Variants in STK10 observed in about 807,000 individuals in gnomAD.
The protein encoded by STK10 is serine/threonine-protein kinase 10.
STK10 carries 78 observed loss-of-function variants against 113.8 expected under a neutral mutation model. That is an observed-to-expected ratio of 0.69 (90% CI 0.57 to 0.83). STK10 has a LOEUF of 0.83. Among genes scored for constraint, STK10 ranks in the 40% least tolerant of loss-of-function variants. The pLI, the probability that STK10 is intolerant of heterozygous loss-of-function variation, is 0.00. For synonymous variants in STK10, 465 were observed against 494.7 expected (o/e 0.94, Z 0.80); for missense variants, 1,109 against 1,280.1 (o/e 0.87, Z 2.04).
chr5:172,186,485 T>C (rs1271108028), intron 1 of STK10, among the ~76,000 whole-genome samples: 2 of 151,364 alleles, frequency 1.3e-5, no homozygotes, highest in Non-Finnish European at 2.9e-5. Flanking sequence ...TTAGCCGGGC[T>C]GTGGTGTGCA....
intron 12 of STK10, 86 bp from the exon 13 acceptor site, chr5:172,064,898 C>T: frequency 6.9e-7 from 1 of 1,451,750 alleles, no homozygotes; most frequent in South Asian, 1.2e-5. Context: ...ACCCCCGGGC[C>T]AGAGAAACCA....
chr5:172,080,307 T>C (rs1768401903), intron 12 of STK10, among the ~76,000 whole-genome samples: 1 of 152,196 alleles, frequency 6.6e-6, no homozygotes, highest in South Asian at 2.1e-4. Flanking sequence ...ACGATATTGA[T>C]ATTAGGCCAA....
chr5:172,099,343 C>G (rs1192190733), intron 7 of STK10, among the ~76,000 whole-genome samples: 1 of 152,178 alleles, frequency 6.6e-6, no homozygotes. Context: ...AGTTCAAGAT[C>G]AGCCTGGCCA....
intron 3 of STK10, among the ~76,000 whole-genome samples, chr5:172,123,340 A>G (rs537781557): frequency 8.8e-4 from 134 of 152,322 alleles, no homozygotes; most frequent in African/African-American, 3.1e-3. Context: ...CACTGCTGCC[A>G]CCAACAGGGG....
At chr5:172,057,017 G>GAAAGAAAGA (rs1561790324) in intron 15 of STK10, 2 of 149,358 alleles carry the variant, frequency 1.3e-5, no homozygotes, top group East Asian at 3.5e-4. Flanking sequence ...AAGAAAGAAA[G>GAAAGAAAGA]AAAGAAAGAA....
intron 2 of STK10, among the ~76,000 whole-genome samples, chr5:172,151,739 G>C (rs1002871103): frequency 1.3e-5 from 2 of 152,234 alleles, no homozygotes; most frequent in African/African-American, 4.8e-5. Context: ...GCTCCATGAG[G>C]ATGAGGACCG....
intron 7 of STK10, 129 bp from the exon 8 acceptor site, chr5:172,096,689 T>TG: frequency 1.6e-6 from 2 of 1,288,660 alleles, no homozygotes; most frequent in Non-Finnish European, 2.2e-6. Context: ...CACATGAACT[T>TG]GGAGACCCAG....
At chr5:172,073,965 A>AAAT (rs767697438) in intron 12 of STK10, among the ~76,000 whole-genome samples, 82 of 96,840 alleles carry the variant, frequency 8.5e-4, no homozygotes, top group East Asian at 3.8e-3. Context: ...ACTCTGTCTC[A>AAAT]AATAATAATA....
At chr5:172,175,418 A>G (rs1056084844) in intron 1 of STK10, among the ~76,000 whole-genome samples, 6 of 152,240 alleles carry the variant, frequency 3.9e-5, no homozygotes, top group African/African-American at 1.4e-4. Context: ...GAAGCCTTTC[A>G]GCACTCACCC....
intron 2 of STK10, among the ~76,000 whole-genome samples, chr5:172,147,128 A>T (rs1310531150): frequency 1.3e-5 from 2 of 152,166 alleles, no homozygotes; most frequent in Non-Finnish European, 1.5e-5. Context: ...TCATTATAGA[A>T]GATATTACAA....
At chr5:172,156,058 C>G (rs1253837750) in intron 2 of STK10, among the ~76,000 whole-genome samples, 1 of 151,902 alleles carries the variant, frequency 6.6e-6, no homozygotes, top group Admixed American at 6.6e-5. Flanking sequence ...GAAGCTACAA[C>G]CACACTGTGA....
At chr5:172,073,178 C>T (rs919303647) in intron 12 of STK10, among the ~76,000 whole-genome samples, 12 of 152,096 alleles carry the variant, frequency 7.9e-5, no homozygotes, top group African/African-American at 2.7e-4. Flanking sequence ...GAGATGAAGT[C>T]TTGCTCTGTC....
chr5:172,082,116 C>T lies in STK10; in HGVS notation c.1989+210G>A, dbSNP rs975965140. Among the ~76,000 whole-genome samples, 1 of 152,130 alleles carries T rather than the reference C, an allele frequency of 6.6e-6. No individual in the cohort carries two copies. The highest frequency in any genetic ancestry group is 2.4e-5 in the African/African-American group (1 of 41,432). ...GCCACAGGGTGAGGCCTGCCCTGAG[C>T]CATAGCAACACAGAGGAAAGCAGAG... is the stretch of plus-strand genomic sequence containing the variant. On this transcript the variant is annotated intron_variant, in intron 12 of 18. Transcript: ENST00000176763. The surrounding 1 kb of genome is among the most constrained non-coding windows in gnomAD (Gnocchi z 4.3).
intron 4 of STK10, 197 bp from the exon 5 acceptor site, chr5:172,108,049 G>T: frequency 1.9e-6 from 1 of 519,972 alleles, no homozygotes; most frequent in Non-Finnish European, 3.4e-6. Context: ...CTCTACTAAC[G>T]AGAGCCTGCA....
At chr5:172,058,002 C>T (rs1767846864) in intron 14 of STK10, among the ~76,000 whole-genome samples, 1 of 152,186 alleles carries the variant, frequency 6.6e-6, no homozygotes, top group Admixed American at 6.5e-5. Flanking sequence ...GTGAGATCCT[C>T]CTTGTCTCCT....
At chr5:172,180,672 G>A (rs1770839948) in intron 1 of STK10, among the ~76,000 whole-genome samples, 1 of 151,822 alleles carries the variant, frequency 6.6e-6, no homozygotes, top group Non-Finnish European at 1.5e-5. Context: ...AGCCGGGCGT[G>A]GTGGCGCACA....
chr5:172,107,944 C>T (rs939096459), intron 4 of STK10, 92 bp from the exon 5 acceptor site: 9 of 1,006,758 alleles, frequency 8.9e-6, no homozygotes, highest in Non-Finnish European at 1.4e-5. Context: ...TCCAAGTCGA[C>T]TAACAGATGC....
chr5:172,063,098 A>G (rs1767970804), intron 13 of STK10, among the ~76,000 whole-genome samples: 1 of 151,982 alleles, frequency 6.6e-6, no homozygotes, highest in South Asian at 2.1e-4. Context: ...AAAAATACAA[A>G]AATTAGCTAG....
chr5:172,061,982 CT>C (rs1010011082), intron 13 of STK10, among the ~76,000 whole-genome samples: 325 of 141,848 alleles, frequency 2.3e-3, no homozygotes, highest in Non-Finnish European at 2.5e-3. Context: ...TTTCTTTTTT[CT>C]TTTTTTTTTT....
Sources: allele counts gnomAD v4.1 joint callset (sites outside exome capture counted in the v4.1 genomes callset), GRCh38; gene constraint gnomAD v4.1.1; non-coding constraint Gnocchi (gnomAD v3.1); transcripts MANE v1.5; gene names NCBI Gene and HGNC (gene_info 2026-07-23, HGNC 2026-07-21).